SYN2: variants seen among roughly 807,000 people sequenced by gnomAD.
SYN2 encodes synapsin-2.
In SYN2, 19 loss-of-function variants were observed where a neutral mutation model predicts 50.9. That is an observed-to-expected ratio of 0.37 (90% CI 0.26 to 0.55). The LOEUF (loss-of-function observed/expected upper bound fraction) is 0.55, where lower values mean the gene tolerates loss of function less well. Ranked by LOEUF, SYN2 falls within the 20% of genes least tolerant of loss-of-function variation. The probability of loss-of-function intolerance (pLI) is 0.81; values close to 1 mark genes in which losing one functional copy is unlikely to be tolerated. For synonymous variants in SYN2, 255 were observed against 224.9 expected, an observed-to-expected ratio of 1.13 and a Z score of -1.20; for missense variants, 587 against 576.4, an observed-to-expected ratio of 1.02 and a Z score of -0.19.
chr3:12,119,977 G>A (rs1051531552), intron 1 of SYN2, among the ~76,000 whole-genome samples: 2 of 152,026 alleles, frequency 1.3e-5, no homozygotes, highest in African/African-American at 4.8e-5. Flanking sequence ...AAGTTCAAAG[G>A]TTTTCACAGT....
intron 10 of SYN2, among the ~76,000 whole-genome samples, chr3:12,178,725 G>A (rs371521177): frequency 2.0e-5 from 3 of 152,240 alleles, no homozygotes; most frequent in Admixed American, 2.0e-4. Flanking sequence ...TTTTTAAATA[G>A]TAGTAGGATG....
intron 1 of SYN2, among the ~76,000 whole-genome samples, chr3:12,089,043 AC>A (rs1170546824): frequency 6.6e-6 from 1 of 152,264 alleles, no homozygotes; most frequent in Non-Finnish European, 1.5e-5. Flanking sequence ...ACCACAAAAA[AC>A]AATAGGTAAA....
chr3:12,184,550 T>C (rs888338466), intron 11 of SYN2: 7 of 985,814 alleles, frequency 7.1e-6, no homozygotes, highest in Non-Finnish European at 7.2e-6. Flanking sequence ...ACCTTGAGGT[T>C]GACTCCTGCT....
At chr3:12,101,333 C>T (rs1317616644) in intron 1 of SYN2, among the ~76,000 whole-genome samples, 1 of 152,114 alleles carries the variant, frequency 6.6e-6, no homozygotes, top group East Asian at 1.9e-4. Flanking sequence ...TGACACAGGA[C>T]ACAACATAGA....
At chr3:12,092,611 G>A (rs540403305) in intron 1 of SYN2, among the ~76,000 whole-genome samples, 3 of 152,230 alleles carry the variant, frequency 2.0e-5, no homozygotes, top group South Asian at 4.1e-4. Flanking sequence ...CACTTATTTG[G>A]CATCCCTGGA....
chr3:12,114,676 A>G (rs1228272904), intron 1 of SYN2, among the ~76,000 whole-genome samples: 1 of 152,032 alleles, frequency 6.6e-6, no homozygotes, highest in Non-Finnish European at 1.5e-5. Context: ...TCTCAACTTC[A>G]CCATATGTTT....
chr3:12,115,432 G>A (rs1009341023), intron 1 of SYN2, among the ~76,000 whole-genome samples: 2 of 152,124 alleles, frequency 1.3e-5, no homozygotes, highest in Non-Finnish European at 2.9e-5. Context: ...CATAAGAACA[G>A]TTTCAACCCT....
chr3:12,068,643 A>G (rs1485293320), intron 1 of SYN2, among the ~76,000 whole-genome samples: 1 of 152,050 alleles, frequency 6.6e-6, no homozygotes, highest in Non-Finnish European at 1.5e-5. Flanking sequence ...CGAATTTATC[A>G]GTAGATTTAA....
intron 1 of SYN2, among the ~76,000 whole-genome samples, chr3:12,048,278 C>G (rs1694785454): frequency 6.6e-6 from 1 of 152,158 alleles, no homozygotes; most frequent in Non-Finnish European, 1.5e-5. Context: ...AGCGATCCTC[C>G]CACCTCAGCC....
At chr3:12,041,487 C>G (rs1332408950) in intron 1 of SYN2, among the ~76,000 whole-genome samples, 7 of 152,064 alleles carry the variant, frequency 4.6e-5, no homozygotes, top group Non-Finnish European at 1.0e-4. Flanking sequence ...TTAGTGAGGT[C>G]AACACAGGAA....
intron 1 of SYN2, among the ~76,000 whole-genome samples, chr3:12,118,335 A>C (rs976972900): frequency 1.3e-5 from 2 of 152,216 alleles, no homozygotes; most frequent in Non-Finnish European, 2.9e-5. Flanking sequence ...AGGCTGAGGC[A>C]GGAGGATTGC....
In SYN2 at chr3:12,102,400, G is replaced by A. The variant is rs189445262; in HGVS notation, c.378-38251G>A. Among the ~76,000 whole-genome samples, 78 of 152,220 alleles carry A rather than the reference G, an allele frequency of 5.1e-4. 1 individual carries two copies. Among genetic ancestry groups the A allele is most frequent in the African/African-American group, 1.7e-3 (72 of 41,556 alleles). ...ACACTTTATGTTTTCAATGAGTCAGGCAATAACAGAATAACTGAATGAATA... is the reference window on the plus strand; with the variant it reads ...ACACTTTATGTTTTCAATGAGTCAGACAATAACAGAATAACTGAATGAATA... On this transcript the variant is annotated intron_variant, in intron 1 of 12. Transcript: ENST00000621198.
chr3:12,182,872 C>G (rs530353527), intron 10 of SYN2, among the ~76,000 whole-genome samples: 1 of 152,226 alleles, frequency 6.6e-6, no homozygotes, highest in Non-Finnish European at 1.5e-5. Flanking sequence ...CTAGAGCCAC[C>G]TATAGTCCAA....
chr3:12,098,880 T>TATATATATATATAA (rs1553614789), intron 1 of SYN2, among the ~76,000 whole-genome samples: 13 of 145,518 alleles, frequency 8.9e-5, no homozygotes, highest in East Asian at 2.0e-4. Flanking sequence ...TATATATATA[T>TATATATATATATAA]AATGCAAATA....
intron 7 of SYN2, chr3:12,165,398 A>G (rs1037026353): frequency 6.6e-6 from 1 of 152,238 alleles, no homozygotes. Context: ...GAGACTTCTC[A>G]TTTTGAAGTG....
At chr3:12,185,083 T>A in intron 11 of SYN2, 1 of 985,840 alleles carries the variant, frequency 1.0e-6, no homozygotes, top group South Asian at 4.7e-5. Context: ...TGAGTGTGAA[T>A]GTTGTCATCT....
At chr3:12,161,241 C>CT (rs1438351229) in intron 5 of SYN2, among the ~76,000 whole-genome samples, 7 of 152,058 alleles carry the variant, frequency 4.6e-5, no homozygotes, top group African/African-American at 1.2e-4. Context: ...TTTTAATTCT[C>CT]TTTGTCTGAG....
At chr3:12,065,753 A>T (rs576946179) in intron 1 of SYN2, among the ~76,000 whole-genome samples, 1 of 152,174 alleles carries the variant, frequency 6.6e-6, no homozygotes, top group African/African-American at 2.4e-5. Context: ...GTTGAGTACT[A>T]TGCTCACTAC....
chr3:12,008,898 C>T (rs763802182), intron 1 of SYN2, among the ~76,000 whole-genome samples: 9 of 152,226 alleles, frequency 5.9e-5, no homozygotes, highest in South Asian at 2.1e-4. Flanking sequence ...AGGGGGACAA[C>T]GAAGAGACTA....
Sources: allele counts gnomAD v4.1 joint callset (sites outside exome capture counted in the v4.1 genomes callset), GRCh38; gene constraint gnomAD v4.1.1; transcripts MANE v1.5; gene names NCBI Gene and HGNC (gene_info 2026-07-23, HGNC 2026-07-21).